Variants in MAGEC3 observed in about 807,000 individuals in gnomAD.
MAGEC3 encodes the protein MAGE family member C3.
Under a neutral mutation model 35.3 loss-of-function variants are expected in MAGEC3, and 34 were observed. The observed-to-expected ratio is 0.96, with a 90% CI of 0.73 to 1.28. MAGEC3 has a LOEUF of 1.28. Among genes scored for constraint, MAGEC3 ranks in the 50% most tolerant of loss-of-function variants. The pLI is 0.00. For missense variants in MAGEC3, 561 were observed against 483.6 expected (o/e 1.16, Z -1.50); for synonymous variants, 202 against 185.6 (o/e 1.09, Z -0.72).
At chrX:141,876,593 G>T (rs941613578) in intron 2 of MAGEC3, among the ~76,000 whole-genome samples, 2 of 112,007 alleles carry the variant, frequency 1.8e-5, no homozygotes, top group Admixed American at 1.9e-4. Context: ...CTGCGAACTT[G>T]CTTAAAGATA....
At chrX:141,869,708 G>A (rs774603477) in intron 2 of MAGEC3, among the ~76,000 whole-genome samples, 2 of 111,830 alleles carry the variant, frequency 1.8e-5, no homozygotes, top group Non-Finnish European at 3.8e-5. Flanking sequence ...AGAAAATAAC[G>A]ATTGTCTGTA....
At chrX:141,861,827 A>C (rs2017817082) in intron 1 of MAGEC3, among the ~76,000 whole-genome samples, 1 of 112,036 alleles carries the variant, frequency 8.9e-6, no homozygotes, top group Admixed American at 9.5e-5. Context: ...GAAAGTATAA[A>C]ACTACTGGAA....
Position 141,859,464 on chromosome X carries a change from T to G in MAGEC3, c.124-6007T>G, listed in dbSNP as rs774857098. Among the ~76,000 whole-genome samples the G allele has an allele frequency of 4.5e-5, 5 of 111,774 alleles. No homozygotes were observed. The South Asian group carries it at 1.9e-3, about 42-fold the overall frequency. ...GCTCACTACATTTTTATCTATTGAA[T>G]TGGTTTTTATTAGCATCAGTAGGAG... On this transcript the variant is annotated intron_variant, in intron 1 of 7. Coordinates refer to ENST00000298296, the MANE Select transcript of MAGEC3 (RefSeq NM_138702.1).
intron 1 of MAGEC3, among the ~76,000 whole-genome samples, chrX:141,861,784 G>A (rs2017816765): frequency 9.0e-6 from 1 of 111,421 alleles, no homozygotes; most frequent in Admixed American, 9.6e-5. Flanking sequence ...CTTGAGATAA[G>A]ACAACTGAAG....
intron 1 of MAGEC3, among the ~76,000 whole-genome samples, chrX:141,851,419 C>T (rs2017750174): frequency 9.1e-6 from 1 of 109,849 alleles, no homozygotes; most frequent in Admixed American, 9.8e-5. Context: ...CTGTTAATGC[C>T]AAGATTGAAA....
At chrX:141,868,101 C>A (rs891477150) in intron 2 of MAGEC3, among the ~76,000 whole-genome samples, 2 of 107,919 alleles carry the variant, frequency 1.9e-5, no homozygotes, top group Admixed American at 2.0e-4. Context: ...CCAGCCTGGG[C>A]GACAGAGCGA....
intron 4 of MAGEC3, among the ~76,000 whole-genome samples, chrX:141,882,932 G>A (rs2124118445): frequency 8.9e-6 from 1 of 112,070 alleles, no homozygotes; most frequent in African/African-American, 3.2e-5. Context: ...GAAACTGCAG[G>A]TGCTTCTGTG....
chrX:141,841,464 AC>A (rs2017685373), intron 1 of MAGEC3, among the ~76,000 whole-genome samples: 1 of 111,884 alleles, frequency 8.9e-6, no homozygotes, highest in Non-Finnish European at 1.9e-5. Flanking sequence ...CCCCCATGAC[AC>A]AGAGTTTACC....
At chrX:141,867,105 C>A (rs1337988334) in intron 2 of MAGEC3, among the ~76,000 whole-genome samples, 1 of 110,687 alleles carries the variant, frequency 9.0e-6, no homozygotes, top group African/African-American at 3.3e-5. Context: ...CTGAATGGAC[C>A]TCACTGGGGC....
chrX:141,888,357 C>T (rs1226335058), intron 4 of MAGEC3, among the ~76,000 whole-genome samples: 1 of 112,290 alleles, frequency 8.9e-6, no homozygotes, highest in Non-Finnish European at 1.9e-5. Context: ...TGGTTTTGCA[C>T]TTTGCATGGA....
At chrX:141,892,293 A>G (rs73579804) in intron 4 of MAGEC3, among the ~76,000 whole-genome samples, 2,671 of 111,741 alleles carry the variant, frequency 0.024, 88 homozygotes, top group African/African-American at 0.084. Flanking sequence ...TTTTGCAACT[A>G]CTTCCTAGAA....
At position 141,879,386 on chromosome X, in the gene MAGEC3, C is replaced by T. The variant is rs1190583938; in HGVS notation, c.470C>T (p.Pro157Leu). Reference sequence around the variant, plus strand: ...GGCACAGGCTACACCCTTTCCCTTCCTGCCGTCAGCCCTGGAAAAAGGTTG... The same window carrying T: ...GGCACAGGCTACACCCTTTCCCTTCTTGCCGTCAGCCCTGGAAAAAGGTTG... The part of the protein sequence containing the change: ...RRGTGYTLSL[P>L]AVSPGKRLWG... The change falls in exon 3 of 8, where the codon CCT becomes CTT. Residue 157 changes from proline to leucine, a missense_variant. Pro to Leu is a moderately conservative substitution (Grantham distance 98, BLOSUM62 -3). Coordinates refer to ENST00000298296, the MANE Select transcript of MAGEC3 (RefSeq NM_138702.1). 1.0e-5 allele frequency: 12 copies of T among 1,179,871 alleles called. No homozygotes were observed. Among genetic ancestry groups the T allele is most frequent in the Non-Finnish European group, 1.2e-5 (11 of 883,927 alleles).
At chrX:141,857,600 AG>A in intron 1 of MAGEC3, among the ~76,000 whole-genome samples, 1 of 111,153 alleles carries the variant, frequency 9.0e-6, no homozygotes, top group Admixed American at 9.6e-5. Flanking sequence ...TGAACATGTC[AG>A]GCTTGTTCCT....
chrX:141,894,725 C>G (rs948121516), intron 4 of MAGEC3: 13 of 967,626 alleles, frequency 1.3e-5, no homozygotes, highest in Admixed American at 1.2e-4. Flanking sequence ...GGATAGCTAT[C>G]TCCCAACACG....
intron 1 of MAGEC3, among the ~76,000 whole-genome samples, chrX:141,849,317 C>G (rs1472950198): frequency 9.0e-6 from 1 of 111,052 alleles, no homozygotes; most frequent in Non-Finnish European, 1.9e-5. Flanking sequence ...AGACCTCAGA[C>G]TATAAATATC....
intron 4 of MAGEC3, among the ~76,000 whole-genome samples, chrX:141,883,940 G>A (rs1427748601): frequency 8.8e-6 from 1 of 113,304 alleles, no homozygotes; most frequent in Non-Finnish European, 1.9e-5. Flanking sequence ...GAAAATCTTG[G>A]TTTGCAGTGT....
At chrX:141,854,259 GA>G (rs998801929) in intron 1 of MAGEC3, among the ~76,000 whole-genome samples, 8 of 110,960 alleles carry the variant, frequency 7.2e-5, no homozygotes, top group African/African-American at 2.6e-4. Flanking sequence ...TGAAGAGAAA[GA>G]AAAAGGAATT....
chrX:141,851,807 C>A (rs1318352826), intron 1 of MAGEC3, among the ~76,000 whole-genome samples: 2 of 111,343 alleles, frequency 1.8e-5, no homozygotes, highest in African/African-American at 6.5e-5. Context: ...TATGTCTATA[C>A]TTGTGTCAGT....
At chrX:141,864,230 A>G (rs1213553783) in intron 1 of MAGEC3, among the ~76,000 whole-genome samples, 1 of 106,326 alleles carries the variant, frequency 9.4e-6, no homozygotes, top group Non-Finnish European at 1.9e-5. Context: ...TTATAATCCC[A>G]GTGCTCTGGG....
Sources: gnomAD v4.1 joint callset for allele counts (sites outside exome capture counted in the v4.1 genomes callset) on GRCh38, gnomAD v4.1.1 for gene constraint, MANE v1.5 for transcripts, NCBI Gene and HGNC (gene_info 2026-07-23, HGNC 2026-07-21) for gene names.